ACACA: variants seen among roughly 807,000 people sequenced by gnomAD.
ACACA encodes the protein acetyl-CoA carboxylase 1.
A neutral mutation model predicts 296.1 loss-of-function variants in ACACA; 103 were observed. The ratio of observed to expected loss-of-function variants is 0.35; its 90% CI spans 0.30 to 0.41. ACACA has a LOEUF of 0.41. Ranked by LOEUF, ACACA falls within the 10% of genes least tolerant of loss-of-function variation. ACACA has a pLI of 1.00. For missense variants in ACACA, 1,554 were observed against 2,989.7 expected (o/e 0.52, Z 11.20); for synonymous variants, 953 against 1,038.6 (o/e 0.92, Z 1.58).
intron 1 of ACACA, among the ~76,000 whole-genome samples, chr17:37,351,506 T>C (rs546492030): frequency 2.6e-5 from 4 of 152,288 alleles, no homozygotes; most frequent in African/African-American, 7.2e-5. Flanking sequence ...TTGAACCACA[T>C]GAATGTATTG....
intron 29 of ACACA, among the ~76,000 whole-genome samples, chr17:37,215,658 G>A (rs1292494384): frequency 6.6e-6 from 1 of 151,992 alleles, no homozygotes; most frequent in South Asian, 2.1e-4. Context: ...GGTCAAATGA[G>A]TCAATGAATT....
chr17:37,150,563 G>A (rs1290919258), intron 44 of ACACA, among the ~76,000 whole-genome samples: 1 of 151,562 alleles, frequency 6.6e-6, no homozygotes, highest in Non-Finnish European at 1.5e-5. Flanking sequence ...GACCTACTTG[G>A]GCAACATAGT....
At chr17:37,172,893 C>T (rs1278061913) in intron 41 of ACACA, among the ~76,000 whole-genome samples, 3 of 152,274 alleles carry the variant, frequency 2.0e-5, no homozygotes, top group Admixed American at 6.5e-5. Flanking sequence ...GTTTTACAGA[C>T]CCGCTTCGCT....
intron 3 of ACACA, among the ~76,000 whole-genome samples, chr17:37,286,054 TA>T (rs967552060): frequency 5.9e-5 from 9 of 152,114 alleles, no homozygotes; most frequent in South Asian, 2.1e-4. Context: ...CACACCTGGC[TA>T]ATTTTTGTAT....
intron 22 of ACACA, 109 bp downstream of exon 22, chr17:37,243,262 T>C: frequency 2.5e-6 from 3 of 1,194,842 alleles, no homozygotes; most frequent in Non-Finnish European, 3.7e-6. Context: ...CTTAAAAGTA[T>C]ACAAGCACAA....
chr17:37,186,025 A>G (rs2077518118), intron 39 of ACACA, among the ~76,000 whole-genome samples: 1 of 152,212 alleles, frequency 6.6e-6, no homozygotes, highest in Non-Finnish European at 1.5e-5. Context: ...AATAAAACTC[A>G]AGCCAATCAA....
chr17:37,324,628 C>T (rs1466363217), intron 3 of ACACA, among the ~76,000 whole-genome samples: 1 of 150,266 alleles, frequency 6.7e-6, no homozygotes, highest in Non-Finnish European at 1.5e-5. Flanking sequence ...TGAGATCATG[C>T]CACTGCACTC....
At chr17:37,289,517 G>A (rs377225377) in intron 3 of ACACA, 302 of 1,350,552 alleles carry the variant, frequency 2.2e-4, no homozygotes, top group Non-Finnish European at 2.9e-4. Flanking sequence ...TATCCCACGA[G>A]TATTTCAAAG....
chr17:37,121,556 G>A, intron 49 of ACACA, 66 bp from the exon 50 acceptor site: 3 of 1,595,064 alleles, frequency 1.9e-6, no homozygotes, highest in Non-Finnish European at 2.6e-6. Flanking sequence ...TCTCCAAGGT[G>A]AACAAGATTT....
chr17:37,152,253 C>T lies in ACACA; in HGVS notation c.5448-832G>A, dbSNP rs892171820. ...GGAAAAGGTTTGATGTTATAGATGG[C>T]CCTCGGATTTTAGATGCCCTCTCTT... On this transcript the variant is annotated intron_variant, in intron 43 of 55. Transcript: ENST00000616317. Among the ~76,000 whole-genome samples, 3 of 152,096 alleles carry T rather than the reference C, an allele frequency of 2.0e-5. No individual in the cohort carries two copies. In the East Asian group the frequency reaches 5.8e-4, roughly 29 times the overall value.
chr17:37,151,093 G>A (rs2144133864), intron 44 of ACACA, among the ~76,000 whole-genome samples: 1 of 151,610 alleles, frequency 6.6e-6, no homozygotes, highest in South Asian at 2.1e-4. Context: ...TACACTAAAA[G>A]CTAAAACAAA....
intron 1 of ACACA, among the ~76,000 whole-genome samples, chr17:37,380,546 GT>G (rs1357488051): frequency 6.6e-6 from 1 of 151,980 alleles, no homozygotes; most frequent in East Asian, 1.9e-4. Context: ...TGATTTTCAT[GT>G]GATCTCCATT....
chr17:37,244,217 T>A (rs1028066574), intron 21 of ACACA, among the ~76,000 whole-genome samples: 5 of 149,614 alleles, frequency 3.3e-5, no homozygotes, highest in African/African-American at 7.4e-5. Context: ...AAAAAAAAAA[T>A]TAGCCGCGCC....
chr17:37,395,809 CT>C (rs1373747748), intron 1 of ACACA, among the ~76,000 whole-genome samples: 1 of 152,056 alleles, frequency 6.6e-6, no homozygotes, highest in East Asian at 1.9e-4. Context: ...TCCCAAAGTG[CT>C]GGGATTATAG....
chr17:37,216,709 C>T (rs775593351), intron 29 of ACACA, among the ~76,000 whole-genome samples: 2 of 151,926 alleles, frequency 1.3e-5, no homozygotes, highest in Non-Finnish European at 2.9e-5. Flanking sequence ...GTGTCTTCTC[C>T]CTTTTCAGAG....
rs543845782 is a variant in ACACA at position 37,254,330 on chromosome 17, G to A, written c.1827-1294C>T. Among the ~76,000 whole-genome samples, 14 of 152,234 alleles carry A rather than the reference G, an allele frequency of 9.2e-5. No individual in the cohort carries two copies. In the East Asian group the frequency reaches 2.7e-3, roughly 29 times the overall value. On this transcript the variant is annotated intron_variant, in intron 14 of 55. Transcript: ENST00000616317. The stretch of plus-strand genomic sequence containing the variant: ...AACTGTGAGAGGAATCATATTCCAG[G>A]TAGTCCAGGCATTCCCTCAGCCTAA...
chr17:37,240,202 G>C (rs1261166545), intron 24 of ACACA, among the ~76,000 whole-genome samples: 1 of 152,182 alleles, frequency 6.6e-6, no homozygotes, highest in Non-Finnish European at 1.5e-5. Flanking sequence ...ATATCAACAG[G>C]AATGGTAATC....
intron 1 of ACACA, among the ~76,000 whole-genome samples, chr17:37,347,769 A>G (rs956330308): frequency 5.4e-5 from 8 of 148,368 alleles, no homozygotes; most frequent in African/African-American, 2.1e-4. Context: ...AGAAAGAAAG[A>G]AAAAAAATTT....
chr17:37,280,952 A>G (rs568007593), intron 5 of ACACA, among the ~76,000 whole-genome samples: 1 of 152,074 alleles, frequency 6.6e-6, no homozygotes, highest in Non-Finnish European at 1.5e-5. Context: ...TGCATTTGCA[A>G]TGCTGTTCTT....
Sources: allele counts gnomAD v4.1 joint callset (sites outside exome capture counted in the v4.1 genomes callset), GRCh38; gene constraint gnomAD v4.1.1; transcripts MANE v1.5; gene names NCBI Gene and HGNC (gene_info 2026-07-23, HGNC 2026-07-21).